Variants in USP19 observed in about 807,000 individuals in gnomAD.
The protein encoded by USP19 is ubiquitin carboxyl-terminal hydrolase 19.
USP19 carries 40 observed loss-of-function variants against 144.8 expected under a neutral mutation model. The ratio of observed to expected loss-of-function variants is 0.28; its 90% confidence interval spans 0.21 to 0.36. The LOEUF (loss-of-function observed/expected upper bound fraction) is 0.36. USP19 is among the 10% of genes least tolerant of loss of function. The pLI is 1.00. For missense variants in USP19, 1,518 were observed against 1,822.5 expected (o/e 0.83, Z 3.04); for synonymous variants, 701 against 709.3 (o/e 0.99, Z 0.19).
rs563534078 is a variant in USP19 at position 49,115,991 on chromosome 3, G to C, written c.1472-47C>G. The C allele has an allele frequency of 4.5e-6, 7 of 1,567,966 alleles. No individual in the cohort carries two copies. Among genetic ancestry groups the C allele is most frequent in the Non-Finnish European group, 6.0e-6 (7 of 1,159,866 alleles). ...GGCTGGTGGTTAGCAGCATGTGACA[G>C]GGGTTTGGGTCCTGGTCACGTGGAA... is the stretch of plus-strand genomic sequence containing the variant. On this transcript the variant is annotated intron_variant, in intron 10 of 26. Coordinates refer to ENST00000417901, the MANE Select transcript of USP19 (RefSeq NM_001199161.2). The surrounding 1 kb of genome is among the most constrained non-coding windows in gnomAD (Gnocchi z 6.6).
In USP19 at chr3:49,112,804, G is replaced by A. The variant is rs767755650; in HGVS notation, c.2506-175C>T. ...CTGTCTCAGTGCCCAATGCCATAAGGAGCCTGGTGCATCAGAGGGCCTGAA... is the reference window on the plus strand; with the variant it reads ...CTGTCTCAGTGCCCAATGCCATAAGAAGCCTGGTGCATCAGAGGGCCTGAA... On this transcript the variant is annotated intron_variant, in intron 17 of 26. Transcript: ENST00000417901. The surrounding 1 kb of genome is among the most constrained non-coding windows in gnomAD (Gnocchi z 4.9). 6.6e-6 allele frequency among the ~76,000 whole-genome samples: 1 copy of A among 152,160 alleles called. No homozygotes were observed. The highest frequency in any genetic ancestry group is 1.5e-5 in the Non-Finnish European group (1 of 68,028).
Position 49,119,246 on chromosome 3 carries a change from CTT to C in USP19, c.-103_-102del. The C allele has an allele frequency of 2.7e-6, 4 of 1,460,560 alleles. No homozygotes were observed. The Admixed American group carries it at 9.2e-5, about 34-fold the overall frequency. 90.5% of individuals were successfully genotyped at this position (1,460,560 alleles called of 1,614,324 possible). On this transcript the variant is annotated 5_prime_UTR_variant, in exon 2 of 27. Coordinates refer to ENST00000417901, the MANE Select transcript of USP19 (RefSeq NM_001199161.2). ...TCCTGGCCCAGCTATCTTGGCAACT[CTT>C]TGTGGCCAAATTCTCCAGCAAGGAA...
rs2043689791 is a variant in USP19 at position 49,114,200 on chromosome 3, G to C, written c.2377C>G (p.Arg793Gly). ...QKVLPVFYFA[R>G]EPHSKPIKFL... ...TTGATGGGCTTGCTGTGGGGCTCTCGGGCAAAATAAAAGACAGGGAGAACC... is the reference window on the plus strand; with the variant it reads ...TTGATGGGCTTGCTGTGGGGCTCTCCGGCAAAATAAAAGACAGGGAGAACC... The change falls in exon 16 of 27, where the codon CGA becomes GGA. Residue 793 changes from arginine (R) to glycine (G), a missense_variant. Around this residue, in one of 5 missense-constraint regions of USP19, gnomAD observed 413 missense variants for 515.8 expected, o/e 0.80. Coordinates refer to ENST00000417901, the MANE Select transcript of USP19 (RefSeq NM_001199161.2). This position sits in a 1 kb window ranked among gnomAD's most constrained non-coding sequence, Gnocchi z 4.5. 6.2e-7 allele frequency: 1 copy of C among 1,614,058 alleles called. No individual in the cohort carries two copies. The highest frequency in any genetic ancestry group is 1.3e-5 in the African/African-American group (1 of 74,926).
rs2043021862 is a variant in USP19, at chr3:49,110,737, G to C, written c.3672C>G (p.Ile1224Met). The C allele has an allele frequency of 6.2e-7, 1 of 1,613,988 alleles. No homozygotes were observed. The highest frequency in any genetic ancestry group is 8.5e-7 in the Non-Finnish European group (1 of 1,180,038). ...TAACAGGGAACTCCACCAAGTCATT[G>C]ATCTTGTCACGCCAGATAAAACTAC... ...SFRSFIWRDKINDLVEFPVRN... is the reference protein window; with the variant it reads ...SFRSFIWRDKMNDLVEFPVRN... Residue 1224 changes from isoleucine (I) to methionine (M), a missense_variant, in exon 24 of 27, where the codon ATC (isoleucine) becomes ATG (methionine). Physicochemically the swap from Ile to Met is conservative, Grantham distance 10 (BLOSUM62 1). Coordinates refer to ENST00000417901, the MANE Select transcript of USP19 (RefSeq NM_001199161.2). The surrounding 1 kb of genome is among the most constrained non-coding windows in gnomAD (Gnocchi z 6.1).
At position 49,112,277 on chromosome 3, in the gene USP19, T is replaced by C; in HGVS notation, c.2765+7A>G. Reference sequence around the variant, plus strand: ...GAAAGGGTAGGGGAGACCATGGGGGTCCTCACTGGTTGCAGTAGCCCACAC... The same window carrying C: ...GAAAGGGTAGGGGAGACCATGGGGGCCCTCACTGGTTGCAGTAGCCCACAC... On this transcript the variant is annotated splice_region_variant and intron_variant, in intron 19 of 26. Transcript: ENST00000417901. The surrounding 1 kb of genome is among the most constrained non-coding windows in gnomAD (Gnocchi z 4.9). The C allele has an allele frequency of 6.2e-7, 1 of 1,602,136 alleles. No individual in the cohort carries two copies. Among genetic ancestry groups the C allele is most frequent in the Non-Finnish European group, 8.5e-7 (1 of 1,174,566 alleles).
Position 49,108,529 on chromosome 3 carries a change from C to CG in USP19, c.4039-2_4039-1insC. ...CGGGGGCCTGGCCAGGGCCTAGTCCCTGCAACAGAATACGAGGACAGGGGT... is the reference window on the plus strand; with the variant it reads ...CGGGGGCCTGGCCAGGGCCTAGTCCCGTGCAACAGAATACGAGGACAGGGGT... On this transcript the variant is annotated splice_acceptor_variant, in intron 26 of 26. Coordinates refer to ENST00000417901, the MANE Select transcript of USP19 (RefSeq NM_001199161.2). LOFTEE classifies it high-confidence loss of function. The surrounding 1 kb of genome is among the most constrained non-coding windows in gnomAD (Gnocchi z 4.8). The CG allele has an allele frequency of 8.0e-7, 1 of 1,254,518 alleles. No homozygotes were observed. Among genetic ancestry groups the CG allele is most frequent in the Non-Finnish European group, 1.0e-6 (1 of 979,942 alleles). 77.7% of individuals were successfully genotyped at this position (1,254,518 alleles called of 1,614,324 possible). A position where few individuals can be genotyped will look rare whatever the true frequency, so the allele number is the denominator to read the frequency against.
rs769907671 is a variant in USP19 at position 49,111,762 on chromosome 3, CA to C, written c.2954del (p.Leu985TrpfsTer35). On this transcript the variant is annotated frameshift_variant, in exon 21 of 27. Coordinates refer to ENST00000417901, the MANE Select transcript of USP19 (RefSeq NM_001199161.2). LOFTEE classifies it high-confidence loss of function. This position sits in a 1 kb window ranked among gnomAD's most constrained non-coding sequence, Gnocchi z 5.9. The stretch of plus-strand genomic sequence containing the variant: ...TGGTGCAGCCAGGGCTCTGAGACTC[CA>C]AGGCCATGCGGCCTGGCTGAAAGGG... The part of the protein sequence containing the change: ...QPPFQPGRMA[L>X]ESQSPGCTTL... The C allele has an allele frequency of 1.3e-6, 2 of 1,555,718 alleles. No homozygotes were observed. The highest frequency in any genetic ancestry group is 1.4e-5 in the African/African-American group (1 of 73,318).
At position 49,111,880 on chromosome 3, in the gene USP19, C is replaced by T; in HGVS notation, c.2903+31G>A. The T allele has an allele frequency of 5.6e-6, 9 of 1,612,346 alleles. No individual in the cohort carries two copies. Among genetic ancestry groups the T allele is most frequent in the South Asian group, 2.2e-5 (2 of 90,870 alleles). On this transcript the variant is annotated intron_variant, in intron 20 of 26. Transcript: ENST00000417901. This position sits in a 1 kb window ranked among gnomAD's most constrained non-coding sequence, Gnocchi z 5.9. ...CATCTAGCACCTCTGCCCCCACCTA[C>T]ACCACTCTAGTCCAACCACTGGGCA...
Position 49,114,814 on chromosome 3 carries a change from G to C in USP19, c.2241C>G (p.Asp747Glu). ...TCGACTTGTACTGCCCCTGAAATAG[G>C]TCCACGATGAAAGAGTCATTCCTCA... ...HKMRNDSFIV[D>E]LFQGQYKSKL... The change falls in exon 15 of 27, where the codon GAC (aspartate) becomes GAG (glutamate). Residue 747 changes from aspartate (D) to glutamate (E), a missense_variant. Transcript: ENST00000417901. This position sits in a 1 kb window ranked among gnomAD's most constrained non-coding sequence, Gnocchi z 4.5. 1 of 1,614,166 alleles carries C rather than the reference G, an allele frequency of 6.2e-7. No homozygotes were observed. Among genetic ancestry groups the C allele is most frequent in the Non-Finnish European group, 8.5e-7 (1 of 1,180,030 alleles).
rs2044323345 is a variant in USP19 at position 49,117,311 on chromosome 3, C to A, written c.657G>T (p.Glu219Asp). 2 of 1,584,392 alleles carry A rather than the reference C, an allele frequency of 1.3e-6. No homozygotes were observed. Among genetic ancestry groups the A allele is most frequent in the Non-Finnish European group, 1.7e-6 (2 of 1,162,540 alleles). Residue 219 changes from glutamate to aspartate, a missense_variant, in exon 6 of 27, where the codon GAG (glutamate) becomes GAT (aspartate). Coordinates refer to ENST00000417901, the MANE Select transcript of USP19 (RefSeq NM_001199161.2). This position sits in a 1 kb window ranked among gnomAD's most constrained non-coding sequence, Gnocchi z 4.4. Reference sequence around the variant, plus strand: ...CAATGGGAGACAGTTCCTGCCCATTCTCCTGGCACCGCAGCCCCGGCACCA... The same window carrying A: ...CAATGGGAGACAGTTCCTGCCCATTATCCTGGCACCGCAGCCCCGGCACCA... ...QELVPGLRCQ[E>D]NGQELSPIAL...
At chr3:49,109,250 C>T in intron 26 of USP19, 1 of 1,442,962 alleles carries the variant, frequency 6.9e-7, no homozygotes, top group Non-Finnish European at 9.1e-7. Context: ...CCCTGAGACC[C>T]TTAGCCATGA....
chr3:49,110,080 G>A lies in USP19; in HGVS notation c.4038+104C>T. 1 of 1,325,772 alleles carries A rather than the reference G, an allele frequency of 7.5e-7. No homozygotes were observed. Among genetic ancestry groups the A allele is most frequent in the Non-Finnish European group, 9.9e-7 (1 of 1,009,548 alleles). 82.1% of individuals were successfully genotyped at this position (1,325,772 alleles called of 1,614,324 possible). On this transcript the variant is annotated intron_variant, in intron 26 of 26. Coordinates refer to ENST00000417901, the MANE Select transcript of USP19 (RefSeq NM_001199161.2). This position sits in a 1 kb window ranked among gnomAD's most constrained non-coding sequence, Gnocchi z 6.1. ...CTCTGCAATTCTCATGAATCCCAAGGCTCAATGGGCCTGTGGCTGGAGGAG... is the reference window on the plus strand; with the variant it reads ...CTCTGCAATTCTCATGAATCCCAAGACTCAATGGGCCTGTGGCTGGAGGAG...
rs371867186 is a variant in USP19 at position 49,108,596 on chromosome 3, G to T, written c.4039-68C>A. The T allele has an allele frequency of 2.9e-5, 36 of 1,261,984 alleles. No individual in the cohort carries two copies. The African/African-American group carries it at 3.4e-4, about 12-fold the overall frequency. 78.2% of individuals were successfully genotyped at this position (1,261,984 alleles called of 1,614,324 possible). The stretch of plus-strand genomic sequence containing the variant: ...TGCCGCCTGGCATCCCGGGGGTGCT[G>T]GCTTGGAGCCCTGGCACCCAAGGGA... On this transcript the variant is annotated intron_variant, in intron 26 of 26. Transcript: ENST00000417901. This position sits in a 1 kb window ranked among gnomAD's most constrained non-coding sequence, Gnocchi z 4.8.
At position 49,110,099 on chromosome 3, in the gene USP19, G is replaced by A; in HGVS notation, c.4038+85C>T. ...CCCAAGGCTCAATGGGCCTGTGGCTGGAGGAGAGGAAGCTATATCCCCCAA... is the reference window on the plus strand; with the variant it reads ...CCCAAGGCTCAATGGGCCTGTGGCTAGAGGAGAGGAAGCTATATCCCCCAA... On this transcript the variant is annotated intron_variant, in intron 26 of 26. Coordinates refer to ENST00000417901, the MANE Select transcript of USP19 (RefSeq NM_001199161.2). The surrounding 1 kb of genome is among the most constrained non-coding windows in gnomAD (Gnocchi z 6.1). 1 of 1,400,482 alleles carries A rather than the reference G, an allele frequency of 7.1e-7. No individual in the cohort carries two copies. Among genetic ancestry groups the A allele is most frequent in the African/African-American group, 1.4e-5 (1 of 69,546 alleles). The allele number at this position is 1,400,482 out of a possible 1,614,324, so 86.8% of individuals were successfully genotyped here. A position where few individuals can be genotyped will look rare whatever the true frequency, so the allele number is the denominator to read the frequency against.
At position 49,110,644 on chromosome 3, in the gene USP19, A is replaced by G. The variant is rs2043004505; in HGVS notation, c.3699-40T>C. The G allele has an allele frequency of 1.2e-6, 2 of 1,611,776 alleles. No individual in the cohort carries two copies. Among genetic ancestry groups the G allele is most frequent in the Admixed American group, 1.7e-5 (1 of 59,958 alleles). ...CAGTCAGGGAGGGGTGAGACAGGCA[A>G]CAGGCGCTCAGGATGCCCATCCTGG... On this transcript the variant is annotated intron_variant, in intron 24 of 26. Transcript: ENST00000417901. This position sits in a 1 kb window ranked among gnomAD's most constrained non-coding sequence, Gnocchi z 6.1.
At position 49,120,793 on chromosome 3, in the gene USP19, G is replaced by A. The variant is rs961677603; in HGVS notation, c.-174C>T. 4.0e-6 allele frequency: 1 copy of A among 251,004 alleles called. No homozygotes were observed. Among genetic ancestry groups the A allele is most frequent in the Non-Finnish European group, 7.9e-6 (1 of 126,556 alleles). The allele number at this position is 251,004 out of a possible 1,614,324, so 15.5% of individuals were successfully genotyped here. A position where few individuals can be genotyped will look rare whatever the true frequency, so the allele number is the denominator to read the frequency against. ...CCGCAGCCAGCCCTCTTCGGGCCCT[G>A]GCAACCCGCTCTCCGTTCCGGTTCC... On this transcript the variant is annotated 5_prime_UTR_variant, in exon 1 of 27. Transcript: ENST00000417901.
In USP19 at chr3:49,114,926, G is replaced by A. The variant is rs746267427; in HGVS notation, c.2181+33C>T. ...GAGTACCAGGGGCTGGGATGCTCAT[G>A]AGACATGCCCACCCTCTGTCCCTAA... On this transcript the variant is annotated intron_variant, in intron 14 of 26. Transcript: ENST00000417901. The surrounding 1 kb of genome is among the most constrained non-coding windows in gnomAD (Gnocchi z 4.5). 3.1e-6 allele frequency: 5 copies of A among 1,614,090 alleles called. No individual in the cohort carries two copies. The East Asian group carries it at 1.1e-4, about 36-fold the overall frequency.
chr3:49,108,594 CTGGCTT>C lies in USP19; in HGVS notation c.4039-72_4039-67del, dbSNP rs2042669615. The C allele has an allele frequency of 8.1e-7, 1 of 1,234,840 alleles. No homozygotes were observed. The highest frequency in any genetic ancestry group is 1.6e-5 in the African/African-American group (1 of 63,466). The allele number at this position is 1,234,840 out of a possible 1,614,324, so 76.5% of individuals were successfully genotyped here. On this transcript the variant is annotated intron_variant, in intron 26 of 26. Coordinates refer to ENST00000417901, the MANE Select transcript of USP19 (RefSeq NM_001199161.2). This position sits in a 1 kb window ranked among gnomAD's most constrained non-coding sequence, Gnocchi z 4.8. ...CATGCCGCCTGGCATCCCGGGGGTG[CTGGCTT>C]GGAGCCCTGGCACCCAAGGGAGGGT...
In USP19 at chr3:49,115,845, T is replaced by C. The variant is rs1452772819; in HGVS notation, c.1571A>G (p.Glu524Gly). The change falls in exon 11 of 27, where the codon GAG (glutamate) becomes GGG (glycine). Residue 524 changes from glutamate (E) to glycine (G), a missense_variant. Transcript: ENST00000417901. This position sits in a 1 kb window ranked among gnomAD's most constrained non-coding sequence, Gnocchi z 6.6. ...GAPHPLTGQE[E>G]ARAVEKDKSK... ...TTTATCCTTCTCCACAGCCCGGGCCTCCTCCTGGCCTGTCAGGGGGTGGGG... is the reference window on the plus strand; with the variant it reads ...TTTATCCTTCTCCACAGCCCGGGCCCCCTCCTGGCCTGTCAGGGGGTGGGG... 1 of 1,610,488 alleles carries C rather than the reference T, an allele frequency of 6.2e-7. No homozygotes were observed. Among genetic ancestry groups the C allele is most frequent in the Non-Finnish European group, 8.5e-7 (1 of 1,178,232 alleles).
Sources: gnomAD v4.1 joint callset for allele counts (sites outside exome capture counted in the v4.1 genomes callset) on GRCh38, gnomAD v4.1.1 for gene constraint, gnomAD v4.1.1 regional missense constraint, Gnocchi (gnomAD v3.1) non-coding constraint, MANE v1.5 for transcripts, NCBI Gene and HGNC (gene_info 2026-07-23, HGNC 2026-07-21) for gene names.